Variants in FASN observed in about 807,000 individuals in gnomAD.
FASN encodes the protein fatty acid synthase.
FASN carries 50 observed loss-of-function variants against 250.0 expected under a neutral mutation model. The ratio of observed to expected loss-of-function variants is 0.20; its 90% CI spans 0.16 to 0.25. FASN has a LOEUF of 0.25. Ranked by LOEUF, FASN falls within the 10% of genes least tolerant of loss-of-function variation. The pLI is 1.00. For missense variants in FASN, 3,031 were observed against 3,498.5 expected, an observed-to-expected ratio of 0.87 and a Z score of 3.37; for synonymous variants, 1,909 against 1,584.0, an observed-to-expected ratio of 1.21 and a Z score of -4.87.
chr17:82,093,737 A>G lies in FASN; in HGVS notation c.315T>C (p.Thr105=). The G allele has an allele frequency of 6.2e-7, 1 of 1,612,588 alleles. No homozygotes were observed. Residue 105 remains threonine, a synonymous_variant, in exon 4 of 43, where the codon ACT becomes ACC. Transcript: ENST00000306749. The part of the protein sequence containing the change: ...INPDSLRGTH[T]GVWVGVSGSE... ...AGCCGCTCACGCCCACCCAGACGCC[A>G]GTGTGTGTTCCTCGGAGTGAATCTG...
chr17:82,085,881 G>A lies in FASN; in HGVS notation c.3733-10C>T, dbSNP rs370668474. 128 of 1,525,804 alleles carry A rather than the reference G, an allele frequency of 8.4e-5. No individual in the cohort carries two copies. The highest frequency in any genetic ancestry group is 3.7e-4 in the Middle Eastern group (2 of 5,442). 94.5% of individuals were successfully genotyped at this position (1,525,804 alleles called of 1,614,324 possible). A position where few individuals can be genotyped will look rare whatever the true frequency, so the allele number is the denominator to read the frequency against. ...CGTGGCCAGCCAGCACCTGTAGGGG[G>A]TGAATTCTGGAATCAGCCCCACACC... On this transcript the variant is annotated splice_polypyrimidine_tract_variant and intron_variant, in intron 22 of 42. Coordinates refer to ENST00000306749, the MANE Select transcript of FASN (RefSeq NM_004104.5).
chr17:82,082,220 T>C lies in FASN; in HGVS notation c.6012-60A>G, dbSNP rs2034001696. 6 of 1,601,388 alleles carry C rather than the reference T, an allele frequency of 3.7e-6. No individual in the cohort carries two copies. The East Asian group carries it at 1.1e-4, about 30-fold the overall frequency. On this transcript the variant is annotated intron_variant, in intron 35 of 42. Transcript: ENST00000306749. ...ATCCCCAGGAGCCCCCAACGTCCCATCCCCAGGAAACGCCAGAGAGGGCTG... is the reference window on the plus strand; with the variant it reads ...ATCCCCAGGAGCCCCCAACGTCCCACCCCCAGGAAACGCCAGAGAGGGCTG...
At chr17:82,086,839 T>C (rs765646989) in intron 21 of FASN, among the ~76,000 whole-genome samples, 102 of 143,436 alleles carry the variant, frequency 7.1e-4, no homozygotes, top group Middle Eastern at 3.3e-3. Context: ...AAGTACCCTT[T>C]CAAGACTGAG....
chr17:82,084,939 G>C lies in FASN; in HGVS notation c.4424C>G (p.Ser1475Cys), dbSNP rs753878704. 5.1e-6 allele frequency: 8 copies of C among 1,556,690 alleles called. No individual in the cohort carries two copies. Among genetic ancestry groups the C allele is most frequent in the African/African-American group, 2.7e-5 (2 of 73,450 alleles). Residue 1475 changes from serine (S) to cysteine (C), a missense_variant, in exon 26 of 43, where the codon TCC (serine) becomes TGC (cysteine). Transcript: ENST00000306749. ...GGNRLRCVLL[S>C]NLSSTSHVPE... ...GACGTGGGAGGTGCTGCTGAGGTTG[G>C]AGAGCAGCACACACCTGGGGGCAGA... is the stretch of plus-strand genomic sequence containing the variant.
At position 82,088,009 on chromosome 17, in the gene FASN, G is replaced by C. The variant is rs950185839; in HGVS notation, c.2811C>G (p.Leu937=). The stretch of plus-strand genomic sequence containing the variant: ...CCTCGAAGGCACGGGAGGCCTCCAG[G>C]AGCCGTACCTCCAGGGACACTGTCC... ...KTGTVSLEVR[L]LEASRAFEVS... is the part of the protein sequence containing the mutation. The change falls in exon 18 of 43, where the codon CTC becomes CTG. Residue 937 remains leucine, a synonymous_variant. Coordinates refer to ENST00000306749, the MANE Select transcript of FASN (RefSeq NM_004104.5). 6.2e-7 allele frequency: 1 copy of C among 1,612,792 alleles called. No homozygotes were observed. The highest frequency in any genetic ancestry group is 8.5e-7 in the Non-Finnish European group (1 of 1,179,992).
Position 82,080,819 on chromosome 17 carries a change from C to G in FASN, c.6699G>C (p.Arg2233=), listed in dbSNP as rs2033974213. ...LVNPEGPTLM[R]LNSVQSSERP... ...GCTCCGAGCTCTGCACGGAGTTGAG[C>G]CGCATCAGGGTGGGGCCCTCCGGGT... Residue 2233 remains arginine (R), a synonymous_variant, in exon 39 of 43, where the codon CGG becomes CGC. Transcript: ENST00000306749. 6.2e-7 allele frequency: 1 copy of G among 1,609,070 alleles called. No individual in the cohort carries two copies. The highest frequency in any genetic ancestry group is 1.1e-5 in the South Asian group (1 of 90,326).
In FASN at chr17:82,079,046, C is replaced by G. The variant is rs1231557560; in HGVS notation, c.*97G>C. The G allele has an allele frequency of 5.1e-6, 7 of 1,361,990 alleles. No individual in the cohort carries two copies. The highest frequency in any genetic ancestry group is 7.0e-6 in the Non-Finnish European group (7 of 995,606). 84.4% of individuals were successfully genotyped at this position (1,361,990 alleles called of 1,614,324 possible). A position where few individuals can be genotyped will look rare whatever the true frequency, so the allele number is the denominator to read the frequency against. On this transcript the variant is annotated 3_prime_UTR_variant, in exon 43 of 43. Transcript: ENST00000306749. ...AGTGGCACTGGGCCGGACAGGGTCC[C>G]ACCGGCAGGACCCTTCAATCCCGTT... is the stretch of plus-strand genomic sequence containing the variant.
chr17:82,086,115 C>A, intron 22 of FASN, 139 bp downstream of exon 22: 1 of 1,448,474 alleles, frequency 6.9e-7, no homozygotes, highest in South Asian at 1.3e-5. Flanking sequence ...AGGACACGTG[C>A]ACAGAACCAC....
intron 29 of FASN, 27 bp from the exon 30 acceptor site, chr17:82,083,918 T>C (rs1598575345): frequency 6.4e-7 from 1 of 1,554,030 alleles, no homozygotes; most frequent in Non-Finnish European, 8.7e-7. Flanking sequence ...GCGCGGCTGG[T>C]GAGCCAGGGC....
At position 82,083,752 on chromosome 17, in the gene FASN, G is replaced by C; in HGVS notation, c.5218+20C>G. The stretch of plus-strand genomic sequence containing the variant: ...CGGAGGCTAGGCAGGAGGCAGGTGG[G>C]GGCTGTGGGGGCCACTCACCCTTCC... On this transcript the variant is annotated intron_variant, in intron 30 of 42. Coordinates refer to ENST00000306749, the MANE Select transcript of FASN (RefSeq NM_004104.5). 1 of 1,611,230 alleles carries C rather than the reference G, an allele frequency of 6.2e-7. No homozygotes were observed. Among genetic ancestry groups the C allele is most frequent in the Non-Finnish European group, 8.5e-7 (1 of 1,179,632 alleles).
rs201027447 is a variant in FASN, at chr17:82,089,172, C to G, written c.2101G>C (p.Val701Leu). 6.1e-5 allele frequency: 97 copies of G among 1,583,834 alleles called. No individual in the cohort carries two copies. The highest frequency in any genetic ancestry group is 7.8e-5 in the Non-Finnish European group (91 of 1,165,574). The stretch of plus-strand genomic sequence containing the variant: ...GAACGTGGCTTCGGCTCCCGGATCA[C>G]CTGCATGAGGGGCCAGGTCAGTGCT... ...APPLLQELKK[V>L]IREPKPRSAR... The change falls in exon 14 of 43, where the codon GTG (valine) becomes CTG (leucine). Residue 701 changes from valine to leucine, a missense_variant and splice_region_variant. By Grantham distance (32) the Val-to-Leu change is conservative. Coordinates refer to ENST00000306749, the MANE Select transcript of FASN (RefSeq NM_004104.5).
intron 11 of FASN, 115 bp from the exon 12 acceptor site, chr17:82,089,841 G>T: frequency 1.1e-6 from 1 of 897,760 alleles, no homozygotes; most frequent in Non-Finnish European, 1.8e-6. Context: ...GGTAATGGCA[G>T]CCTTGGAGCC....
rs765536318 is a variant in FASN at position 82,090,971 on chromosome 17, C to T, written c.1591G>A (p.Gly531Ser). 40 of 1,612,752 alleles carry T rather than the reference C, an allele frequency of 2.5e-5. No homozygotes were observed. Among genetic ancestry groups the T allele is most frequent in the African/African-American group, 1.3e-4 (10 of 74,924 alleles). Residue 531 changes from glycine to serine, a missense_variant, in exon 10 of 43, where the codon GGC becomes AGC. Gly to Ser is a moderately conservative substitution (Grantham distance 56). Transcript: ENST00000306749. ...AGCAGCAGCTGTGACACCTTCAGGC[C>T]GAATGGCTTCACAGCCTCATCGGAG... is the stretch of plus-strand genomic sequence containing the variant. ...LRSDEAVKPF[G>S]LKVSQLLLST...
Position 82,080,733 on chromosome 17 carries a change from G to A in FASN, c.6785C>T (p.Ser2262Phe). 1.2e-6 allele frequency: 2 copies of A among 1,602,884 alleles called. No homozygotes were observed. Among genetic ancestry groups the A allele is most frequent in the Non-Finnish European group, 1.7e-6 (2 of 1,176,006 alleles). The change falls in exon 39 of 43, where the codon TCC becomes TTC. Residue 2262 changes from serine to phenylalanine, a missense_variant. Coordinates refer to ENST00000306749, the MANE Select transcript of FASN (RefSeq NM_004104.5). ...GSTTVFHSLA[S>F]RLSIPTYGLQ... Reference sequence around the variant, plus strand: ...GCCATAGGTGGGGATGCTGAGCCGGGAGGCCAGGCTGTGGAACACGGTGGT... The same window carrying A: ...GCCATAGGTGGGGATGCTGAGCCGGAAGGCCAGGCTGTGGAACACGGTGGT...
chr17:82,092,145 A>AC (rs201998274), intron 8 of FASN, among the ~76,000 whole-genome samples: 1,830 of 151,002 alleles, frequency 0.012, 38 homozygotes, highest in African/African-American at 0.042. Flanking sequence ...GGTGCCGTGG[A>AC]CCCCCCCAGG....
rs770837374 is a variant in FASN, at chr17:82,085,731, G to A, written c.3873C>T (p.Asp1291=). The A allele has an allele frequency of 4.3e-5, 67 of 1,565,620 alleles. No homozygotes were observed. Among genetic ancestry groups the A allele is most frequent in the Non-Finnish European group, 5.4e-5 (63 of 1,156,036 alleles). The change falls in exon 23 of 43, where the codon GAC becomes GAT. Residue 1291 remains aspartate, a synonymous_variant. Coordinates refer to ENST00000306749, the MANE Select transcript of FASN (RefSeq NM_004104.5). ...EAAQAELQQH[D]VAQGQWDPAD... ...CGGGATCCCACTGGCCCTGGGCAAC[G>A]TCGTGCTGCTGCAGCTCGGCCTGGG...
At position 82,091,637 on chromosome 17, in the gene FASN, G is replaced by C; in HGVS notation, c.1077C>G (p.Phe359Leu). Residue 359 changes from phenylalanine to leucine, a missense_variant, in exon 9 of 43, where the codon TTC becomes TTG. Phe to Leu is a conservative substitution (Grantham distance 22). Transcript: ENST00000306749. ...EHGLWAPNLH[F>L]HSPNPEIPAL... ...CTGGGATCTCAGGGTTGGGGCTATG[G>C]AAGTGCAGGTTGGGGGCCCAGAGCC... 6.3e-7 allele frequency: 1 copy of C among 1,597,360 alleles called. No individual in the cohort carries two copies. The highest frequency in any genetic ancestry group is 1.1e-5 in the South Asian group (1 of 88,266).
Position 82,080,816 on chromosome 17 carries a change from G to A in FASN, c.6702C>T (p.Leu2234=), listed in dbSNP as rs776425123. 17 of 1,609,470 alleles carry A rather than the reference G, an allele frequency of 1.1e-5. No homozygotes were observed. Among genetic ancestry groups the A allele is most frequent in the South Asian group, 7.7e-5 (7 of 90,354 alleles). ...GCCGCTCCGAGCTCTGCACGGAGTT[G>A]AGCCGCATCAGGGTGGGGCCCTCCG... The part of the protein sequence containing the change: ...VNPEGPTLMR[L]NSVQSSERPL... Residue 2234 remains leucine, a synonymous_variant, in exon 39 of 43, where the codon CTC becomes CTT. Transcript: ENST00000306749.
At chr17:82,081,418 C>T in intron 37 of FASN, 66 bp from the exon 38 acceptor site, 1 of 1,562,252 alleles carries the variant, frequency 6.4e-7, no homozygotes, top group East Asian at 2.3e-5. Context: ...TGCGGCAGGG[C>T]TGACACCCAG....
Sources: allele counts gnomAD v4.1 joint callset (sites outside exome capture counted in the v4.1 genomes callset), GRCh38; gene constraint gnomAD v4.1.1; transcripts MANE v1.5; gene names NCBI Gene and HGNC (gene_info 2026-07-23, HGNC 2026-07-21).